Variants in STON2 observed in about 807,000 individuals in gnomAD.
STON2 encodes the protein stonin 2, also known as stonin-2.
STON2 carries 29 observed loss-of-function variants against 65.7 expected under a neutral mutation model. The observed-to-expected ratio is 0.44, with a 90% CI of 0.33 to 0.60. The LOEUF is 0.60. Among genes scored for constraint, STON2 ranks in the 20% least tolerant of loss-of-function variants. The pLI is 0.03. For missense variants in STON2, 1,054 were observed against 1,118.1 expected (o/e 0.94, Z 0.82); for synonymous variants, 404 against 414.2 (o/e 0.98, Z 0.30).
chr14:81,302,815 A>G (rs1449884434), intron 5 of STON2, among the ~76,000 whole-genome samples: 2 of 152,248 alleles, frequency 1.3e-5, no homozygotes, highest in Non-Finnish European at 2.9e-5. Context: ...ATCAAATGGG[A>G]TAACGATGCC....
Position 81,262,436 on chromosome 14 carries a change from T to A in STON2, c.*5978A>T, listed in dbSNP as rs1455720369. 1 of 788,940 alleles carries A rather than the reference T, an allele frequency of 1.3e-6. No individual in the cohort carries two copies. Among genetic ancestry groups the A allele is most frequent in the Non-Finnish European group, 1.5e-6 (1 of 664,074 alleles). The allele number at this position is 788,940 out of a possible 1,614,324, so 48.9% of individuals were successfully genotyped here. ...AATCCTGCCATCTATCCCTTTTTAC[T>A]ATGCAATCTTTATTTTTCCTGGAGC... On this transcript the variant is annotated 3_prime_UTR_variant, in exon 8 of 8. Transcript: ENST00000614646.
At chr14:81,383,394 GATGGTT>G (rs2140401740) in intron 3 of STON2, among the ~76,000 whole-genome samples, 1 of 152,320 alleles carries the variant, frequency 6.6e-6, no homozygotes, top group African/African-American at 2.4e-5. Context: ...GTTAGGTGGT[GATGGTT>G]ATTATTCTCA....
rs770059345 is a variant in STON2 at position 81,277,105 on chromosome 14, T to C, written c.2377A>G (p.Ser793Gly). ...CTGCGGAAGTTTTTCACCCACTCACTGGGCACAGGGTAACGGATCATCACA... is the reference window on the plus strand; with the variant it reads ...CTGCGGAAGTTTTTCACCCACTCACCGGGCACAGGGTAACGGATCATCACA... ...ENVMIRYPVP[S>G]EWVKNFRRES... The change falls in exon 6 of 8, where the codon AGT (serine) becomes GGT (glycine). Residue 793 changes from serine to glycine, a missense_variant. Physicochemically the swap from Ser to Gly is moderately conservative, Grantham distance 56. Transcript: ENST00000614646. The C allele has an allele frequency of 1.9e-5, 31 of 1,614,076 alleles. No individual in the cohort carries two copies. In the Admixed American group the frequency reaches 5.2e-4, roughly 27 times the overall value.
chr14:81,288,628 A>G (rs1312640187), intron 5 of STON2, among the ~76,000 whole-genome samples: 1 of 152,228 alleles, frequency 6.6e-6, no homozygotes, highest in Non-Finnish European at 1.5e-5. Flanking sequence ...AGCCGATCAA[A>G]GAGAACTAAA....
At chr14:81,333,077 G>T in intron 4 of STON2, 1 of 779,988 alleles carries the variant, frequency 1.3e-6, no homozygotes, top group Non-Finnish European at 2.2e-6. Flanking sequence ...TACAGACCAT[G>T]TCTTACAAGT....
At chr14:81,345,138 T>C (rs1338212531) in intron 4 of STON2, among the ~76,000 whole-genome samples, 1 of 152,244 alleles carries the variant, frequency 6.6e-6, no homozygotes, top group Non-Finnish European at 1.5e-5. Flanking sequence ...GGGCTTACAG[T>C]GTCAAACTGG....
At chr14:81,328,086 T>A (rs1897065679) in intron 4 of STON2, among the ~76,000 whole-genome samples, 1 of 152,170 alleles carries the variant, frequency 6.6e-6, no homozygotes, top group African/African-American at 2.4e-5. Flanking sequence ...TGACAAATAG[T>A]AGATACTCAA....
chr14:81,353,098 A>G (rs555979936), intron 4 of STON2, among the ~76,000 whole-genome samples: 1 of 152,342 alleles, frequency 6.6e-6, no homozygotes, highest in Non-Finnish European at 1.5e-5. Context: ...CTGCACCTCC[A>G]CACATCTACA....
At chr14:81,354,540 T>C (rs905477188) in intron 4 of STON2, among the ~76,000 whole-genome samples, 7 of 152,064 alleles carry the variant, frequency 4.6e-5, no homozygotes, top group East Asian at 1.9e-4. Context: ...GGGGGATCTA[T>C]GAAATGACAG....
chr14:81,341,459 T>TG (rs1008051147), intron 4 of STON2, among the ~76,000 whole-genome samples: 2 of 149,116 alleles, frequency 1.3e-5, no homozygotes, highest in Admixed American at 6.6e-5. Context: ...TTTTTTTTGT[T>TG]TTTTTTTTTT....
At chr14:81,369,659 T>C (rs1898899134) in intron 4 of STON2, among the ~76,000 whole-genome samples, 1 of 152,262 alleles carries the variant, frequency 6.6e-6, no homozygotes, top group East Asian at 1.9e-4. Flanking sequence ...ATTTTTCAGA[T>C]GAGGAAATGG....
chr14:81,277,453 C>T lies in STON2; in HGVS notation c.2029G>A (p.Val677Ile). 1.9e-6 allele frequency: 3 copies of T among 1,614,098 alleles called. No individual in the cohort carries two copies. Among genetic ancestry groups the T allele is most frequent in the Non-Finnish European group, 1.7e-6 (2 of 1,180,028 alleles). The change falls in exon 6 of 8, where the codon GTC becomes ATC. Residue 677 changes from valine (V) to isoleucine (I), a missense_variant. Coordinates refer to ENST00000614646, the MANE Select transcript of STON2 (RefSeq NM_001394390.1). ...ECRLGLNDIL[V>I]KGNEIVLRQD... ...CTCAAAACTATTTCATTCCCTTTGA[C>T]GAGGATGTCATTGAGGCCCAGGCGG...
intron 4 of STON2, among the ~76,000 whole-genome samples, chr14:81,337,879 A>G (rs1434819544): frequency 1.3e-5 from 2 of 152,194 alleles, no homozygotes; most frequent in African/African-American, 4.8e-5. Context: ...TGAGAGGATC[A>G]CTTGAACCTA....
rs539374500 is a variant in STON2, at chr14:81,333,394, C to G, written c.572-9207G>C. The G allele has an allele frequency of 8.0e-5, 34 of 424,742 alleles. No homozygotes were observed. In the South Asian group the frequency reaches 1.1e-3, roughly 13 times the overall value. The allele number at this position is 424,742 out of a possible 1,614,324, so 26.3% of individuals were successfully genotyped here. A position where few individuals can be genotyped will look rare whatever the true frequency, so the allele number is the denominator to read the frequency against. On this transcript the variant is annotated intron_variant, in intron 4 of 7. Transcript: ENST00000614646. Reference sequence around the variant, plus strand: ...GTCTATCCTCAGACAGCCAGGGAGGCTATTCTAAGAGCTTTAAATACGTTT... The same window carrying G: ...GTCTATCCTCAGACAGCCAGGGAGGGTATTCTAAGAGCTTTAAATACGTTT...
chr14:81,265,365 A>G lies in STON2; in HGVS notation c.*3049T>C. The G allele has an allele frequency of 6.1e-6, 6 of 983,850 alleles. No homozygotes were observed. Among genetic ancestry groups the G allele is most frequent in the Non-Finnish European group, 7.2e-6 (6 of 828,560 alleles). The allele number at this position is 983,850 out of a possible 1,614,324, so 60.9% of individuals were successfully genotyped here. On this transcript the variant is annotated 3_prime_UTR_variant, in exon 8 of 8. Coordinates refer to ENST00000614646, the MANE Select transcript of STON2 (RefSeq NM_001394390.1). ...TGTTAGGTTTTTAAAAATTAATAATAATTTGTGGGTCCAGCATGGTGGCTC... is the reference window on the plus strand; with the variant it reads ...TGTTAGGTTTTTAAAAATTAATAATGATTTGTGGGTCCAGCATGGTGGCTC...
intron 3 of STON2, among the ~76,000 whole-genome samples, chr14:81,371,686 A>AAAAAAAAG (rs1450469488): frequency 1.5e-4 from 23 of 151,134 alleles, no homozygotes; most frequent in Non-Finnish European, 2.9e-4. Flanking sequence ...TAAAAAAAAA[A>AAAAAAAAG]AAAAAGAAAA....
chr14:81,322,056 G>C (rs949180887), intron 5 of STON2, among the ~76,000 whole-genome samples: 1 of 152,168 alleles, frequency 6.6e-6, no homozygotes, highest in Non-Finnish European at 1.5e-5. Flanking sequence ...GTCTACATAA[G>C]TACCCCCTAA....
intron 2 of STON2, among the ~76,000 whole-genome samples, chr14:81,406,690 TTC>T (rs142384273): frequency 0.013 from 1,949 of 152,298 alleles, 12 homozygotes; most frequent in Non-Finnish European, 0.019. Context: ...AACGAGCTCT[TTC>T]CACTGTGGCT....
chr14:81,322,864 G>A (rs1451558303), intron 5 of STON2, among the ~76,000 whole-genome samples: 1 of 152,178 alleles, frequency 6.6e-6, no homozygotes, highest in East Asian at 1.9e-4. Context: ...TCCGTACAGG[G>A]AATCCTTAAG....
Sources: gnomAD v4.1 joint callset for allele counts (sites outside exome capture counted in the v4.1 genomes callset) on GRCh38, gnomAD v4.1.1 for gene constraint, MANE v1.5 for transcripts, NCBI Gene and HGNC (gene_info 2026-07-23, HGNC 2026-07-21) for gene names.